The following GSN variants were observed in gnomAD, a reference collection of about 807,000 sequenced individuals.
The protein encoded by GSN is actin-depolymerizing factor.
Under a neutral mutation model 85.7 loss-of-function variants are expected in GSN, and 56 were observed. The observed-to-expected ratio is 0.65, with a 90% confidence interval of 0.53 to 0.82. The LOEUF is 0.82. Among genes scored for constraint, GSN ranks in the 40% least tolerant of loss-of-function variants. The pLI, the probability that GSN is intolerant of heterozygous loss-of-function variation, is 0.00. For missense variants in GSN, 857 were observed against 979.8 expected, an observed-to-expected ratio of 0.87 and a Z score of 1.67; for synonymous variants, 373 against 399.1, an observed-to-expected ratio of 0.93 and a Z score of 0.78.
rs1162954463 is a variant in GSN, at chr9:121,312,501, TG to T, written c.663+14del. The T allele has an allele frequency of 6.3e-7, 1 of 1,590,156 alleles. No individual in the cohort carries two copies. Among genetic ancestry groups the T allele is most frequent in the South Asian group, 1.1e-5 (1 of 90,196 alleles). On this transcript the variant is annotated intron_variant, in intron 6 of 17. Coordinates refer to ENST00000432226, the MANE Select transcript of GSN (RefSeq NM_198252.3). ...GGCGATGCTCCAGGTGCCTGTGGGG[TG>T]CGCAATGGGGTGGCCATGGGGACAC... is the stretch of plus-strand genomic sequence containing the variant.
intron 4 of GSN, among the ~76,000 whole-genome samples, chr9:121,229,937 A>G (rs879476267): frequency 6.6e-5 from 10 of 152,218 alleles, no homozygotes; most frequent in Non-Finnish European, 1.2e-4. Context: ...GAATATCACT[A>G]TATACTCATG....
chr9:121,317,654 T>C, intron 8 of GSN: 1 of 279,590 alleles, frequency 3.6e-6, no homozygotes, highest in South Asian at 3.7e-5. Context: ...AATGCTAAGC[T>C]AGAAGTTCAT....
At position 121,323,371 on chromosome 9, in the gene GSN, G is replaced by GTTTTC. The variant is rs1554822115; in HGVS notation, c.1326-1179_1326-1178insCTTTT. Reference sequence around the variant, plus strand: ...AAATTTCCTCAGTTTTCCCATTACCGTTTTTTTTTTTTTTTTTTAGACAGA... The same window carrying GTTTTC: ...AAATTTCCTCAGTTTTCCCATTACCGTTTTCTTTTTTTTTTTTTTTTTTAGACAGA... On this transcript the variant is annotated intron_variant, in intron 11 of 17. Coordinates refer to ENST00000432226, the MANE Select transcript of GSN (RefSeq NM_198252.3). Among the ~76,000 whole-genome samples the GTTTTC allele has an allele frequency of 1.6e-4, 19 of 117,740 alleles. 1 individual carries two copies. The East Asian group carries it at 4.7e-3, about 29-fold the overall frequency. 77.2% of individuals were successfully genotyped at this position (117,740 alleles called of 152,430 possible).
chr9:121,331,605 A>T, intron 17 of GSN, 157 bp downstream of exon 17: 1 of 620,358 alleles, frequency 1.6e-6, no homozygotes, highest in Non-Finnish European at 2.9e-6. Flanking sequence ...CCCCTCATAA[A>T]TCCTGCCTGG....
intron 5 of GSN, among the ~76,000 whole-genome samples, chr9:121,244,622 T>G (rs1045086228): frequency 2.4e-4 from 37 of 152,334 alleles, no homozygotes; most frequent in African/African-American, 8.2e-4. Flanking sequence ...AAAAGGTGCA[T>G]GTGCAAGGCT....
chr9:121,282,025 G>A lies in GSN; in HGVS notation c.-10+463G>A, dbSNP rs762884625. 1.7e-5 allele frequency: 8 copies of A among 475,086 alleles called. 1 individual carries two copies. The highest frequency in any genetic ancestry group is 1.1e-4 in the South Asian group (7 of 64,592). The allele number at this position is 475,086 out of a possible 1,614,324, so 29.4% of individuals were successfully genotyped here. A position where few individuals can be genotyped will look rare whatever the true frequency, so the allele number is the denominator to read the frequency against. Reference sequence around the variant, plus strand: ...CAGAGGAGGAGCACCTGAGGTGTGTGAGTCATGGGGAAGCGGATGAGTCAT... The same window carrying A: ...CAGAGGAGGAGCACCTGAGGTGTGTAAGTCATGGGGAAGCGGATGAGTCAT... On this transcript the variant is annotated intron_variant, in intron 2 of 17. Transcript: ENST00000432226.
At chr9:121,324,767 A>T (rs941472184) in intron 12 of GSN, 123 bp downstream of exon 12, 87 of 672,058 alleles carry the variant, frequency 1.3e-4, no homozygotes, top group Non-Finnish European at 2.3e-4. Context: ...CCATCCATCC[A>T]TCCATCCATC....
chr9:121,331,919 G>T (rs2063959055), intron 17 of GSN: 1 of 196,738 alleles, frequency 5.1e-6, no homozygotes, highest in African/African-American at 2.3e-5. Flanking sequence ...AGCCAGGCGT[G>T]TTGGTGTACA....
At chr9:121,222,086 T>C (rs1287594710) in intron 4 of GSN, 7 of 148,908 alleles carry the variant, frequency 4.7e-5, no homozygotes. Context: ...AAAGGGAGAA[T>C]AGGTGGGTTT....
intron 10 of GSN, 57 bp from the exon 11 acceptor site, chr9:121,321,206 GCTTGC>G: frequency 6.3e-7 from 1 of 1,595,642 alleles, no homozygotes; most frequent in Non-Finnish European, 8.6e-7. Context: ...CGGTTTCCTG[GCTTGC>G]CTGAGCTGGG....
At chr9:121,256,288 T>C (rs1333319705) in intron 6 of GSN, among the ~76,000 whole-genome samples, 2 of 152,090 alleles carry the variant, frequency 1.3e-5, no homozygotes, top group African/African-American at 2.4e-5. Flanking sequence ...AAATTACCTA[T>C]AGGAGTAAGG....
intron 1 of GSN, chr9:121,280,941 T>G (rs1354918970): frequency 6.6e-6 from 1 of 152,270 alleles, no homozygotes; most frequent in Non-Finnish European, 1.5e-5. Context: ...ATGAAGGAGG[T>G]GAGAGTCCTG....
At chr9:121,310,549 T>G in intron 4 of GSN, 135 bp from the exon 5 acceptor site, 1 of 778,388 alleles carries the variant, frequency 1.3e-6, no homozygotes, top group Non-Finnish European at 2.3e-6. Flanking sequence ...CTGAGTTAAC[T>G]GAGAATCACT....
At chr9:121,257,407 A>G (rs2054987774) in intron 6 of GSN, among the ~76,000 whole-genome samples, 2 of 152,252 alleles carry the variant, frequency 1.3e-5, no homozygotes, top group Admixed American at 6.5e-5. Context: ...GATGATAAGT[A>G]ACTTCCCAAA....
chr9:121,256,486 G>A (rs535647418), intron 6 of GSN, among the ~76,000 whole-genome samples: 4 of 152,224 alleles, frequency 2.6e-5, no homozygotes, highest in East Asian at 3.9e-4. Context: ...CATGGGTCTC[G>A]AGGATGTAGA....
At chr9:121,220,821 C>T (rs750465641) in intron 4 of GSN, among the ~76,000 whole-genome samples, 3 of 152,178 alleles carry the variant, frequency 2.0e-5, no homozygotes, top group South Asian at 2.1e-4. Flanking sequence ...AACTTAATCG[C>T]GTTGTTTTGT....
Position 121,214,311 on chromosome 9 carries a change from CTCTTCTTCCTTTTCT to C in GSN, c.-528+3454_-528+3468del, listed in dbSNP as rs1000945702. Among the ~76,000 whole-genome samples, 7 of 150,488 alleles carry C rather than the reference CTCTTCTTCCTTTTCT, an allele frequency of 4.7e-5. No individual in the cohort carries two copies. In the South Asian group the frequency reaches 6.3e-4, roughly 14 times the overall value. On this transcript the variant is annotated intron_variant, in intron 4 of 24. Coordinates refer to the GSN transcript ENST00000373823. Reference sequence around the variant, plus strand: ...CTTCTTCCTCTTCCTCTTCTTCTTCCTCTTCTTCCTTTTCTTCTTCTTCCATAAGCCAGAAACCAA... The same window carrying C: ...CTTCTTCCTCTTCCTCTTCTTCTTCCTCTTCTTCCATAAGCCAGAAACCAA...
rs546003007 is a variant in GSN at position 121,293,100 on chromosome 9, C to G, written c.-9-8863C>G. ...AGCAGCAGGAGGGATGTGGCACCAT[C>G]ATCTGATGTGCTGCATCATTCATTG... is the stretch of plus-strand genomic sequence containing the variant. On this transcript the variant is annotated intron_variant, in intron 2 of 17. Transcript: ENST00000432226. 1.4e-4 allele frequency among the ~76,000 whole-genome samples: 22 copies of G among 152,328 alleles called. 1 individual carries two copies. The South Asian group carries it at 3.9e-3, about 27-fold the overall frequency.
Position 121,299,538 on chromosome 9 carries a change from A to C in GSN, c.-9-2425A>C, listed in dbSNP as rs1003634475. 1 of 902,150 alleles carries C rather than the reference A, an allele frequency of 1.1e-6. No homozygotes were observed. The highest frequency in any genetic ancestry group is 1.8e-5 in the African/African-American group (1 of 55,514). The allele number at this position is 902,150 out of a possible 1,614,324, so 55.9% of individuals were successfully genotyped here. ...TGGAGGTGTTAGGTGCGGAGAGGCG[A>C]GGGGGCTCGCGTGCGTCGCAGGAGG... On this transcript the variant is annotated intron_variant, in intron 2 of 17. Transcript: ENST00000432226. The surrounding 1 kb of genome is among the most constrained non-coding windows in gnomAD (Gnocchi z 4.2).
Sources: allele counts gnomAD v4.1 joint callset (sites outside exome capture counted in the v4.1 genomes callset), GRCh38; gene constraint gnomAD v4.1.1; non-coding constraint Gnocchi (gnomAD v3.1); transcripts MANE v1.5; gene names NCBI Gene and HGNC (gene_info 2026-07-23, HGNC 2026-07-21).